Variants in EYS observed in about 807,000 individuals in gnomAD.
EYS encodes the protein EGF-like photoreceptor maintenance factor, also known as protein eyes shut homolog.
In EYS, 250 loss-of-function variants were observed where a neutral mutation model predicts 282.1. The ratio of observed to expected loss-of-function variants is 0.89; its 90% CI spans 0.80 to 0.98. The LOEUF is 0.98. Among genes scored for constraint, EYS ranks in the 50% least tolerant of loss-of-function variants. EYS has a pLI of 0.00. For synonymous variants in EYS, 1,355 were observed against 1,282.9 expected, an observed-to-expected ratio of 1.06 and a Z score of -1.20; for missense variants, 4,016 against 3,709.0, an observed-to-expected ratio of 1.08 and a Z score of -2.15.
chr6:64,797,084 G>A (rs1012011480), intron 22 of EYS, among the ~76,000 whole-genome samples: 4 of 152,050 alleles, frequency 2.6e-5, no homozygotes, highest in African/African-American at 9.7e-5. Context: ...CTCCTGCCTA[G>A]CAAATTCTAA....
intron 2 of EYS, among the ~76,000 whole-genome samples, chr6:65,549,020 T>C (rs1276236832): frequency 6.6e-6 from 1 of 152,112 alleles, no homozygotes; most frequent in East Asian, 1.9e-4. Context: ...ACATGCGCAG[T>C]TCAAATAGGG....
chr6:65,074,795 C>G (rs1773998090), intron 12 of EYS, among the ~76,000 whole-genome samples: 1 of 151,922 alleles, frequency 6.6e-6, no homozygotes, highest in Admixed American at 6.6e-5. Context: ...CAGGTAAAGA[C>G]AGGCCTCTGT....
intron 12 of EYS, among the ~76,000 whole-genome samples, chr6:65,216,306 T>C (rs571121093): frequency 2.3e-4 from 35 of 152,200 alleles, no homozygotes; most frequent in Admixed American, 9.8e-4. Context: ...TGTACACGTC[T>C]ATATGACTAA....
chr6:65,502,358 T>C (rs1032921487), intron 2 of EYS, among the ~76,000 whole-genome samples: 3 of 151,672 alleles, frequency 2.0e-5, no homozygotes, highest in Admixed American at 2.0e-4. Context: ...TGCACATGGA[T>C]CTTTATTATA....
intron 2 of EYS, among the ~76,000 whole-genome samples, chr6:65,599,774 A>C (rs973224042): frequency 6.6e-6 from 1 of 152,002 alleles, no homozygotes; most frequent in Non-Finnish European, 1.5e-5. Flanking sequence ...TGTCTCCTTA[A>C]GATAGTGCCT....
At chr6:64,378,659 C>T (rs887189236) in intron 29 of EYS, among the ~76,000 whole-genome samples, 2 of 152,154 alleles carry the variant, frequency 1.3e-5, no homozygotes, top group African/African-American at 4.8e-5. Flanking sequence ...GGTAGAGTCT[C>T]TATTTTGCAG....
intron 31 of EYS, among the ~76,000 whole-genome samples, chr6:64,136,349 A>G (rs1384619704): frequency 6.6e-6 from 1 of 151,966 alleles, no homozygotes; most frequent in Non-Finnish European, 1.5e-5. Context: ...TTTGGAATCA[A>G]TTTCTTCTAA....
chr6:64,995,935 T>G, intron 14 of EYS, among the ~76,000 whole-genome samples: 1 of 152,172 alleles, frequency 6.6e-6, no homozygotes, highest in East Asian at 1.9e-4. Flanking sequence ...ACAGAATATC[T>G]GTGGCAGTGT....
chr6:64,042,581 G>C (rs143075911), intron 33 of EYS, among the ~76,000 whole-genome samples: 2,095 of 152,206 alleles, frequency 0.014, 41 homozygotes, highest in African/African-American at 0.046. Flanking sequence ...AAAGCTCTTT[G>C]TCCATTTTGT....
intron 7 of EYS, 81 bp downstream of exon 7, chr6:65,402,397 C>G (rs1308133170): frequency 1.9e-6 from 2 of 1,028,898 alleles, no homozygotes; most frequent in African/African-American, 1.6e-5. Context: ...GGGTTAAAAC[C>G]AGAACATCAT....
chr6:64,251,398 G>C (rs59340050), intron 30 of EYS, among the ~76,000 whole-genome samples: 1 of 152,066 alleles, frequency 6.6e-6, no homozygotes, highest in Non-Finnish European at 1.5e-5. Flanking sequence ...AATAGCTAGG[G>C]TTGCTTCTGA....
At chr6:64,760,567 AG>A (rs1287811274) in intron 22 of EYS, among the ~76,000 whole-genome samples, 5 of 152,150 alleles carry the variant, frequency 3.3e-5, no homozygotes, top group Admixed American at 2.0e-4. Flanking sequence ...AAATGACATG[AG>A]CCAAGATACT....
intron 22 of EYS, among the ~76,000 whole-genome samples, chr6:64,652,289 G>C (rs1768590564): frequency 6.6e-6 from 1 of 152,142 alleles, no homozygotes; most frequent in Non-Finnish European, 1.5e-5. Flanking sequence ...AATCTAATCA[G>C]GTGAGCTCAT....
intron 39 of EYS, among the ~76,000 whole-genome samples, chr6:63,780,556 G>A (rs1329615238): frequency 6.6e-6 from 1 of 152,172 alleles, no homozygotes; most frequent in Admixed American, 6.5e-5. Context: ...CTTTTGAGAA[G>A]TGTCTGTTCA....
intron 2 of EYS, among the ~76,000 whole-genome samples, chr6:65,623,599 T>A (rs1357826925): frequency 1.3e-5 from 2 of 152,108 alleles, no homozygotes; most frequent in Non-Finnish European, 2.9e-5. Context: ...CAGTAAAAAC[T>A]TTTTGAAAAA....
At chr6:65,292,566 A>G (rs1391637693) in intron 12 of EYS, among the ~76,000 whole-genome samples, 1 of 151,746 alleles carries the variant, frequency 6.6e-6, no homozygotes, top group African/African-American at 2.4e-5. Context: ...CTCTTTGTAT[A>G]TAACTCCTTT....
At chr6:63,807,922 CTA>C (rs1770946575) in intron 36 of EYS, among the ~76,000 whole-genome samples, 1 of 152,104 alleles carries the variant, frequency 6.6e-6, no homozygotes, top group African/African-American at 2.4e-5. Context: ...GCATTAAAAA[CTA>C]TGAAAATAGA....
intron 2 of EYS, among the ~76,000 whole-genome samples, chr6:65,517,968 A>G (rs1767205729): frequency 6.6e-6 from 1 of 152,084 alleles, no homozygotes; most frequent in South Asian, 2.1e-4. Flanking sequence ...ATAAACAAAA[A>G]GCTAAGGATA....
chr6:64,909,977 A>G (rs988164374), intron 16 of EYS, among the ~76,000 whole-genome samples: 4 of 152,086 alleles, frequency 2.6e-5, no homozygotes, highest in Admixed American at 2.0e-4. Flanking sequence ...CTATACTCAT[A>G]TTTATCTAGT....
Sources: gnomAD v4.1 joint callset for allele counts (sites outside exome capture counted in the v4.1 genomes callset) on GRCh38, gnomAD v4.1.1 for gene constraint, MANE v1.5 for transcripts, NCBI Gene and HGNC (gene_info 2026-07-23, HGNC 2026-07-21) for gene names.